MROH1: variants seen among roughly 807,000 people sequenced by gnomAD.
The protein encoded by MROH1 is maestro heat like repeat family member 1.
MROH1 carries 117 observed loss-of-function variants against 116.5 expected under a neutral mutation model. The observed-to-expected ratio is 1.00, with a 90% CI of 0.86 to 1.17. The LOEUF is 1.17. Ranked by LOEUF, MROH1 falls within the 50% of genes most tolerant of loss-of-function variation. MROH1 has a pLI of 0.00. For synonymous variants in MROH1, 921 were observed against 583.9 expected (o/e 1.58, Z -8.32); for missense variants, 1,873 against 1,338.5 (o/e 1.40, Z -6.23).
intron 10 of MROH1, among the ~76,000 whole-genome samples, chr8:144,194,914 GA>G (rs1195279520): frequency 2.7e-5 from 4 of 147,562 alleles, no homozygotes; most frequent in Non-Finnish European, 4.5e-5. Flanking sequence ...TCTCGAAAAA[GA>G]AAAAAAAAGT....
At position 144,255,538 on chromosome 8, in the gene MROH1, C is replaced by T; in HGVS notation, c.3624C>T (p.Ser1208=). 2.6e-6 allele frequency: 2 copies of T among 779,278 alleles called. No individual in the cohort carries two copies. The highest frequency in any genetic ancestry group is 4.8e-6 in the Non-Finnish European group (2 of 417,800). 48.3% of individuals were successfully genotyped at this position (779,278 alleles called of 1,614,324 possible). The change falls in exon 35 of 44, where the codon TCC becomes TCT. Residue 1208 remains serine, a synonymous_variant. Transcript: ENST00000326134. ...CCTGTGCACTGTTTGAGGTCATGTC[C>T]ACGCCTGCAGCGGGGCCCGCGGTGC... ...SATCALFEVM[S]TPAAGPAVLE...
chr8:144,242,531 G>C lies in MROH1; in HGVS notation c.2325+16G>C. On this transcript the variant is annotated intron_variant, in intron 23 of 43. Coordinates refer to ENST00000326134, the MANE Select transcript of MROH1 (RefSeq NM_032450.3). ...CAGCACCAAGGTGGGCACTGCGGTG[G>C]GCCTGCCACGCAGGGGAGCTGGGGC... 1 of 780,550 alleles carries C rather than the reference G, an allele frequency of 1.3e-6. No individual in the cohort carries two copies. Among genetic ancestry groups the C allele is most frequent in the Non-Finnish European group, 2.4e-6 (1 of 417,756 alleles). 48.4% of individuals were successfully genotyped at this position (780,550 alleles called of 1,614,324 possible).
intron 14 of MROH1, among the ~76,000 whole-genome samples, chr8:144,229,244 C>T (rs1838369111): frequency 6.6e-6 from 1 of 152,156 alleles, no homozygotes; most frequent in African/African-American, 2.4e-5. Context: ...ATTTTGTTGA[C>T]CTCTTCCCAT....
At chr8:144,194,715 C>T (rs1156774435) in intron 10 of MROH1, among the ~76,000 whole-genome samples, 2 of 151,948 alleles carry the variant, frequency 1.3e-5, no homozygotes, top group Non-Finnish European at 2.9e-5. Context: ...GAATTCGAGA[C>T]CAACCTGGGC....
intron 13 of MROH1, 79 bp downstream of exon 13, chr8:144,220,752 T>C: frequency 7.6e-7 from 1 of 1,319,062 alleles, no homozygotes; most frequent in South Asian, 1.3e-5. Context: ...TGCTGTGAGA[T>C]CACCCACCAA....
intron 36 of MROH1, 77 bp from the exon 37 acceptor site, chr8:144,259,163 C>T: frequency 2.8e-6 from 2 of 703,100 alleles, no homozygotes; most frequent in Admixed American, 4.0e-5. Context: ...CGGACCAGGG[C>T]TGTGCAGGGT....
rs1485204131 is a variant in MROH1, at chr8:144,248,895, C to T, written c.3139C>T (p.Pro1047Ser). The T allele has an allele frequency of 6.4e-6, 5 of 778,900 alleles. No individual in the cohort carries two copies. The highest frequency in any genetic ancestry group is 1.2e-5 in the Non-Finnish European group (5 of 417,244). The allele number at this position is 778,900 out of a possible 1,614,324, so 48.2% of individuals were successfully genotyped here. A position where few individuals can be genotyped will look rare whatever the true frequency, so the allele number is the denominator to read the frequency against. The change falls in exon 32 of 44, where the codon CCC becomes TCC. Residue 1047 changes from proline to serine, a missense_variant. Physicochemically the swap from Pro to Ser is moderately conservative, Grantham distance 74. Transcript: ENST00000326134. The stretch of plus-strand genomic sequence containing the variant: ...CTCCTAGATTATTGCCAAGCGCCTC[C>T]CCCCAGACCAGCTCATCAGCCTCTT... ...SVGQIIAKRL[P>S]PDQLISLLLT...
rs144253430 is a variant in MROH1, at chr8:144,190,450, G to A, written c.563-334G>A. On this transcript the variant is annotated intron_variant, in intron 7 of 43. Transcript: ENST00000326134. ...CAGGAGAATTGCTTGAACCTGGGAG[G>A]CAAAGGTTGTAATGAGCTGAGATCA... Among the ~76,000 whole-genome samples, 1,144 of 152,228 alleles carry A rather than the reference G, an allele frequency of 7.5e-3. 7 individuals are homozygous for A. Among genetic ancestry groups the A allele is most frequent in the Non-Finnish European group, 0.01 (695 of 68,012 alleles).
At chr8:144,207,189 GC>G (rs528918123) in intron 12 of MROH1, among the ~76,000 whole-genome samples, 21 of 151,320 alleles carry the variant, frequency 1.4e-4, no homozygotes, top group African/African-American at 4.8e-4. Flanking sequence ...GGGGTGGGGG[GC>G]CAGTTGTTGT....
intron 7 of MROH1, among the ~76,000 whole-genome samples, chr8:144,184,715 G>A (rs62530347): frequency 0.85 from 129,369 of 152,192 alleles, 57,555 homozygotes; most frequent in East Asian, 1. Flanking sequence ...AAGGGGGTGC[G>A]GGGCAGGCGT....
At chr8:144,184,721 G>A (rs1468850344) in intron 7 of MROH1, among the ~76,000 whole-genome samples, 1 of 152,224 alleles carries the variant, frequency 6.6e-6, no homozygotes, top group African/African-American at 2.4e-5. Flanking sequence ...GTGCGGGGCA[G>A]GCGTCAGGTG....
chr8:144,163,685 G>A lies in MROH1; in HGVS notation c.-56-86G>A. Reference sequence around the variant, plus strand: ...CCCAGAATAAATTCATTTAAATTGTGTATTTTACATGGAAATGGTAATTGC... The same window carrying A: ...CCCAGAATAAATTCATTTAAATTGTATATTTTACATGGAAATGGTAATTGC... On this transcript the variant is annotated intron_variant, in intron 2 of 43. Transcript: ENST00000326134. This position sits in a 1 kb window ranked among gnomAD's most constrained non-coding sequence, Gnocchi z 4.4. The A allele has an allele frequency of 1.3e-6, 1 of 797,300 alleles. No homozygotes were observed. The highest frequency in any genetic ancestry group is 2.0e-6 in the Non-Finnish European group (1 of 499,850). 49.4% of individuals were successfully genotyped at this position (797,300 alleles called of 1,614,324 possible).
At position 144,181,791 on chromosome 8, in the gene MROH1, CG is replaced by C. The variant is rs1320263289; in HGVS notation, c.562+1272del. ...TCCAGGCTGCAGGGCGGAGACAGAA[CG>C]GGGCCGCTGGGGCGCCTGTCTCTGT... On this transcript the variant is annotated intron_variant, in intron 7 of 43. Coordinates refer to ENST00000326134, the MANE Select transcript of MROH1 (RefSeq NM_032450.3). 7.9e-5 allele frequency among the ~76,000 whole-genome samples: 12 copies of C among 152,190 alleles called. No homozygotes were observed. The East Asian group carries it at 1.9e-3, about 25-fold the overall frequency.
intron 35 of MROH1, among the ~76,000 whole-genome samples, 194 bp downstream of exon 35, chr8:144,255,899 C>T (rs1435866870): frequency 1.3e-5 from 2 of 151,938 alleles, no homozygotes; most frequent in Admixed American, 6.5e-5. Context: ...ACCCTTCTCA[C>T]ACTGGCTGTG....
At chr8:144,225,670 G>A (rs1837647950) in intron 14 of MROH1, among the ~76,000 whole-genome samples, 1 of 151,992 alleles carries the variant, frequency 6.6e-6, no homozygotes. Context: ...TCCTGCCTCA[G>A]TCTCCTGAGT....
intron 1 of MROH1, among the ~76,000 whole-genome samples, chr8:144,157,791 C>T (rs1818518220): frequency 6.7e-6 from 1 of 150,330 alleles, no homozygotes; most frequent in East Asian, 2.0e-4. Flanking sequence ...GGTCCTTCCA[C>T]CTCAGCCTCC....
Position 144,169,228 on chromosome 8 carries a change from C to T in MROH1, c.168+788C>T, listed in dbSNP as rs551858691. Among the ~76,000 whole-genome samples the T allele has an allele frequency of 1.6e-4, 25 of 152,198 alleles. 1 individual carries two copies. The East Asian group carries it at 4.3e-3, about 26-fold the overall frequency. On this transcript the variant is annotated intron_variant, in intron 4 of 43. Transcript: ENST00000326134. ...TTTGCAGTATCAAAAGGCCATTATT[C>T]TTTTTGTTTTATTTAACATTTTGGT...
intron 1 of MROH1, chr8:144,148,853 G>C (rs1313273462): frequency 2.0e-5 from 3 of 152,718 alleles, no homozygotes; most frequent in African/African-American, 7.2e-5. Context: ...GTTGGGGAAG[G>C]GACAGACTCA....
At chr8:144,177,752 G>T (rs560176329) in intron 4 of MROH1, among the ~76,000 whole-genome samples, 1 of 145,512 alleles carries the variant, frequency 6.9e-6, no homozygotes, top group South Asian at 2.3e-4. Context: ...GTTCTCAGGA[G>T]ATCTGGTTGT....
Sources: allele counts gnomAD v4.1 joint callset (sites outside exome capture counted in the v4.1 genomes callset), GRCh38; gene constraint gnomAD v4.1.1; non-coding constraint Gnocchi (gnomAD v3.1); transcripts MANE v1.5; gene names NCBI Gene and HGNC (gene_info 2026-07-23, HGNC 2026-07-21).